Variants in SBK1 observed in about 807,000 individuals in gnomAD.
The protein encoded by SBK1 is SH3 domain binding kinase 1.
A neutral mutation model predicts 24.4 loss-of-function variants in SBK1; 11 were observed. That is an observed-to-expected ratio of 0.45 (90% CI 0.28 to 0.75). The LOEUF (loss-of-function observed/expected upper bound fraction) is 0.75. Among genes scored for constraint, SBK1 ranks in the 30% least tolerant of loss-of-function variants. The pLI, the probability that SBK1 is intolerant of heterozygous loss-of-function variation, is 0.12. For missense variants in SBK1, 467 were observed against 620.5 expected (o/e 0.75, Z 2.63); for synonymous variants, 308 against 284.4 (o/e 1.08, Z -0.83).
chr16:28,313,293 T>A (rs1288132119), intron 1 of SBK1, among the ~76,000 whole-genome samples: 1 of 151,104 alleles, frequency 6.6e-6, no homozygotes, highest in Non-Finnish European at 1.5e-5. Flanking sequence ...AGACCCTGTT[T>A]AAAAAAAATT....
intron 1 of SBK1, among the ~76,000 whole-genome samples, chr16:28,269,471 C>A (rs899108197): frequency 2.6e-5 from 4 of 152,070 alleles, no homozygotes; most frequent in African/African-American, 7.2e-5. Context: ...TCCAGAAAGA[C>A]AGTAGAGAGG....
At chr16:28,283,090 A>C (rs991889587) in intron 1 of SBK1, among the ~76,000 whole-genome samples, 1 of 151,678 alleles carries the variant, frequency 6.6e-6, no homozygotes, top group African/African-American at 2.4e-5. Context: ...GCACCACCAC[A>C]CCCTGCTAAT....
chr16:28,290,156 G>A (rs1245982052), upstream of SBK1, among the ~76,000 whole-genome samples: 2 of 152,064 alleles, frequency 1.3e-5, no homozygotes, highest in Admixed American at 6.6e-5. Flanking sequence ...GAATGGAGAA[G>A]AGAGGTCCTT....
At chr16:28,300,432 G>A (rs139057343) in intron 1 of SBK1, among the ~76,000 whole-genome samples, 49 of 152,068 alleles carry the variant, frequency 3.2e-4, no homozygotes, top group Non-Finnish European at 4.9e-4. Flanking sequence ...TGATCCTCCC[G>A]CTTCAGCCTC....
intron 1 of SBK1, among the ~76,000 whole-genome samples, chr16:28,305,300 C>G (rs1027980612): frequency 1.3e-5 from 2 of 152,068 alleles, no homozygotes; most frequent in Non-Finnish European, 2.9e-5. Context: ...GCAACCTCCA[C>G]CTCCCAGGTT....
chr16:28,285,955 G>A (rs1439439044), intron 1 of SBK1: 1 of 152,314 alleles, frequency 6.6e-6, no homozygotes, highest in Non-Finnish European at 1.5e-5. Flanking sequence ...GTCACACTGT[G>A]TTTCCCCTCA....
intron 1 of SBK1, among the ~76,000 whole-genome samples, chr16:28,311,250 C>T (rs2044753039): frequency 6.6e-6 from 1 of 152,102 alleles, no homozygotes; most frequent in Admixed American, 6.5e-5. Flanking sequence ...TCAACAAGGG[C>T]CCTGAGAGAG....
At position 28,259,354 on chromosome 16, in the gene SBK1, G is replaced by A; in HGVS notation, c.109G>A (p.Glu37Lys). The A allele has an allele frequency of 1.6e-6, 1 of 641,596 alleles. No homozygotes were observed. Among genetic ancestry groups the A allele is most frequent in the Non-Finnish European group, 1.9e-6 (1 of 515,996 alleles). The allele number at this position is 641,596 out of a possible 1,614,324, so 39.7% of individuals were successfully genotyped here. A position where few individuals can be genotyped will look rare whatever the true frequency, so the allele number is the denominator to read the frequency against. ...TGCCCAGGCTGGCGATGATGCTGCG[G>A]AGGCCACCCCTGGCCACCCCTGCCC... The change falls in exon 1 of 4, where the codon GAG (glutamate) becomes AAG (lysine). Residue 37 changes from glutamate (E) to lysine (K), a missense_variant. Coordinates refer to the SBK1 transcript ENST00000671413. This position sits in a 1 kb window ranked among gnomAD's most constrained non-coding sequence, Gnocchi z 6.0.
At chr16:28,302,638 CT>C (rs1219535497) in intron 1 of SBK1, among the ~76,000 whole-genome samples, 2 of 152,214 alleles carry the variant, frequency 1.3e-5, no homozygotes, top group Non-Finnish European at 2.9e-5. Flanking sequence ...CTCTTGGTTC[CT>C]TTTACTCCCC....
intron 1 of SBK1, among the ~76,000 whole-genome samples, chr16:28,269,547 A>C (rs1224464623): frequency 6.6e-6 from 1 of 152,086 alleles, no homozygotes; most frequent in East Asian, 1.9e-4. Context: ...TTTCCTGATT[A>C]AAAGAGCCCA....
intron 1 of SBK1, among the ~76,000 whole-genome samples, chr16:28,298,102 C>A (rs2044653411): frequency 6.6e-6 from 1 of 152,198 alleles, no homozygotes; most frequent in African/African-American, 2.4e-5. Context: ...CCCCAAACCA[C>A]CCCTCCCCTG....
At chr16:28,313,096 CAA>C (rs1354636554) in intron 1 of SBK1, among the ~76,000 whole-genome samples, 1 of 152,122 alleles carries the variant, frequency 6.6e-6, no homozygotes, top group African/African-American at 2.4e-5. Context: ...CACCAGGCAA[CAA>C]GAGGGAAACT....
intron 1 of SBK1, among the ~76,000 whole-genome samples, chr16:28,306,957 G>A (rs755517238): frequency 2.0e-5 from 3 of 152,190 alleles, no homozygotes; most frequent in African/African-American, 7.2e-5. Flanking sequence ...GTGATTTGCC[G>A]AAAGTTACGT....
chr16:28,303,541 G>T lies in SBK1; in HGVS notation c.-8+10241G>T, dbSNP rs571620554. On this transcript the variant is annotated intron_variant, in intron 1 of 3. Transcript: ENST00000341901. ...TTTTTTTTTTTTTTTTTGAGACAGG[G>T]TCTTGCTCTGTTACCCAGACTGGAG... Among the ~76,000 whole-genome samples the T allele has an allele frequency of 2.1e-3, 198 of 96,302 alleles. 1 individual carries two copies. Among genetic ancestry groups the T allele is most frequent in the African/African-American group, 7.8e-3 (189 of 24,272 alleles). The allele number at this position is 96,302 out of a possible 152,430, so 63.2% of individuals were successfully genotyped here. A position where few individuals can be genotyped will look rare whatever the true frequency, so the allele number is the denominator to read the frequency against.
intron 1 of SBK1, among the ~76,000 whole-genome samples, chr16:28,299,718 C>T (rs2141580036): frequency 6.6e-6 from 1 of 152,316 alleles, no homozygotes; most frequent in South Asian, 2.1e-4. Flanking sequence ...GTCAGGTTGA[C>T]ACTGTCACTT....
At chr16:28,308,156 T>C (rs2044729587) in intron 1 of SBK1, among the ~76,000 whole-genome samples, 1 of 152,156 alleles carries the variant, frequency 6.6e-6, no homozygotes, top group Non-Finnish European at 1.5e-5. Context: ...CTAATCTCTC[T>C]GGTTTGTTTG....
At chr16:28,313,013 GC>G (rs1453326304) in intron 1 of SBK1, among the ~76,000 whole-genome samples, 3 of 152,278 alleles carry the variant, frequency 2.0e-5, no homozygotes, top group Admixed American at 6.5e-5. Context: ...GCCTGTAATT[GC>G]AGCTACTCCA....
chr16:28,262,244 G>A (rs568446149), intron 1 of SBK1, among the ~76,000 whole-genome samples: 7 of 152,220 alleles, frequency 4.6e-5, no homozygotes, highest in South Asian at 2.1e-4. Context: ...ACCCCGCCCC[G>A]CCTCTCCCAG....
chr16:28,320,191 T>A lies in SBK1; in HGVS notation c.545T>A (p.Leu182Gln). ...GACATCAAGCCCGAGAACGTGCTGC[T>A]GTTCGACCGCGAGTGCCGCCGCGTA... ...HRDIKPENVL[L>Q]FDRECRRVKL... Residue 182 changes from leucine to glutamine, a missense_variant, in exon 4 of 4, where the codon CTG becomes CAG. Coordinates refer to ENST00000341901, the MANE Select transcript of SBK1 (RefSeq NM_001024401.3). This position sits in a 1 kb window ranked among gnomAD's most constrained non-coding sequence, Gnocchi z 8.5. The A allele has an allele frequency of 6.3e-7, 1 of 1,594,226 alleles. No individual in the cohort carries two copies. The highest frequency in any genetic ancestry group is 8.5e-7 in the Non-Finnish European group (1 of 1,175,782).
Sources: allele counts gnomAD v4.1 joint callset (sites outside exome capture counted in the v4.1 genomes callset), GRCh38; gene constraint gnomAD v4.1.1; non-coding constraint Gnocchi (gnomAD v3.1); transcripts MANE v1.5; gene names NCBI Gene and HGNC (gene_info 2026-07-23, HGNC 2026-07-21).